Variants in ATP13A5 observed in about 807,000 individuals in gnomAD.
The protein encoded by ATP13A5 is probable cation-transporting ATPase 13A5.
Under a neutral mutation model 150.2 loss-of-function variants are expected in ATP13A5, and 149 were observed. The observed-to-expected ratio is 0.99, with a 90% CI of 0.87 to 1.14. The LOEUF is 1.14. Among genes scored for constraint, ATP13A5 ranks in the 50% most tolerant of loss-of-function variants. The pLI is 0.00. For missense variants in ATP13A5, 1,383 were observed against 1,449.3 expected (o/e 0.95, Z 0.74); for synonymous variants, 497 against 522.2 (o/e 0.95, Z 0.66).
intron 9 of ATP13A5, 103 bp downstream of exon 9, chr3:193,343,822 CTA>C: frequency 7.4e-7 from 1 of 1,350,256 alleles, no homozygotes; most frequent in Non-Finnish European, 9.9e-7. Flanking sequence ...TCTCCCTCAC[CTA>C]TCTCTGAATA....
intron 27 of ATP13A5, among the ~76,000 whole-genome samples, chr3:193,281,920 G>A (rs1415405836): frequency 6.6e-6 from 1 of 152,060 alleles, no homozygotes; most frequent in Non-Finnish European, 1.5e-5. Context: ...ACTAGGCCAG[G>A]TGCAGTGGTT....
intron 12 of ATP13A5, among the ~76,000 whole-genome samples, chr3:193,329,180 G>A (rs1382422276): frequency 6.6e-6 from 1 of 151,880 alleles, no homozygotes; most frequent in Non-Finnish European, 1.5e-5. Flanking sequence ...TGCGGAGGCT[G>A]TAGTGAGCTG....
intron 23 of ATP13A5, 90 bp from the exon 24 acceptor site, chr3:193,301,397 TA>T: frequency 1.1e-6 from 1 of 921,904 alleles, no homozygotes; most frequent in South Asian, 1.5e-5. Context: ...ATATTTTTAG[TA>T]GCCTGTTGAC....
chr3:193,354,227 T>C lies in ATP13A5; in HGVS notation c.537-31A>G, dbSNP rs973808500. 7 of 1,592,568 alleles carry C rather than the reference T, an allele frequency of 4.4e-6. No homozygotes were observed. In the African/African-American group the frequency reaches 6.8e-5, roughly 15 times the overall value. ...GGAAATTGATCATCCATTAGTGTCA[T>C]AGCTACAAGCACATGATAAGTGACT... On this transcript the variant is annotated intron_variant, in intron 5 of 29. Transcript: ENST00000342358.
intron 6 of ATP13A5, among the ~76,000 whole-genome samples, chr3:193,351,836 T>C (rs1712574825): frequency 6.6e-6 from 1 of 152,238 alleles, no homozygotes; most frequent in Non-Finnish European, 1.5e-5. Context: ...TGAAAGCTGG[T>C]CACTCATACA....
chr3:193,299,682 G>A (rs936910377), intron 24 of ATP13A5, among the ~76,000 whole-genome samples: 1 of 152,150 alleles, frequency 6.6e-6, no homozygotes, highest in Non-Finnish European at 1.5e-5. Flanking sequence ...CCTACCCTAA[G>A]TAAGCCCATT....
chr3:193,362,515 C>A, intron 4 of ATP13A5, 52 bp downstream of exon 4: 1 of 1,612,984 alleles, frequency 6.2e-7, no homozygotes, highest in Non-Finnish European at 8.5e-7. Flanking sequence ...CTCAACAAAT[C>A]AGTGTTTTTC....
intron 1 of ATP13A5, among the ~76,000 whole-genome samples, chr3:193,372,029 G>A (rs144864138): frequency 5.9e-5 from 9 of 152,000 alleles, no homozygotes; most frequent in South Asian, 2.1e-4. Flanking sequence ...TGGCAGGTGC[G>A]GTGGCTCACA....
At chr3:193,363,760 T>C (rs1713130532) in intron 2 of ATP13A5, among the ~76,000 whole-genome samples, 1 of 152,216 alleles carries the variant, frequency 6.6e-6, no homozygotes, top group South Asian at 2.1e-4. Context: ...AAATACATAT[T>C]TTTGAAAAAC....
intron 1 of ATP13A5, among the ~76,000 whole-genome samples, chr3:193,374,322 T>C (rs1314649505): frequency 7.3e-6 from 1 of 137,860 alleles, no homozygotes; most frequent in Non-Finnish European, 1.5e-5. Flanking sequence ...AGAGGAAAGA[T>C]TCCATGGGTG....
rs370318256 is a variant in ATP13A5 at position 193,275,033 on chromosome 3, C to T, written c.*9G>A. On this transcript the variant is annotated 3_prime_UTR_variant, in exon 30 of 30. Coordinates refer to ENST00000342358, the MANE Select transcript of ATP13A5 (RefSeq NM_198505.4). ...CAATGCTGTTGAGCATGTACGACGA[C>T]AATTCTGATTACAGCCTGGCCCAGA... The T allele has an allele frequency of 5.6e-6, 9 of 1,613,746 alleles. No homozygotes were observed. In the African/African-American group the frequency reaches 1.1e-4, roughly 19 times the overall value.
intron 1 of ATP13A5, among the ~76,000 whole-genome samples, chr3:193,367,551 C>T (rs1713280478): frequency 6.6e-6 from 1 of 151,934 alleles, no homozygotes; most frequent in African/African-American, 2.4e-5. Flanking sequence ...CAGGCTAAGC[C>T]CTGTCATGAA....
At chr3:193,305,806 C>A in intron 22 of ATP13A5, 138 bp from the exon 23 acceptor site, 1 of 698,430 alleles carries the variant, frequency 1.4e-6, no homozygotes, top group Non-Finnish European at 2.5e-6. Context: ...TAATGCTGTC[C>A]CTCCACCTGG....
chr3:193,322,618 T>C lies in ATP13A5; in HGVS notation c.1675-44A>G, dbSNP rs1719325451. 3.7e-6 allele frequency: 5 copies of C among 1,340,348 alleles called. No homozygotes were observed. In the East Asian group the frequency reaches 1.2e-4, roughly 31 times the overall value. The allele number at this position is 1,340,348 out of a possible 1,614,324, so 83.0% of individuals were successfully genotyped here. ...ATTCATAAGATTCTTTGAATAAAAA[T>C]ATTAAGAAAGAAATATCTCTTATTT... On this transcript the variant is annotated intron_variant, in intron 14 of 29. Coordinates refer to ENST00000342358, the MANE Select transcript of ATP13A5 (RefSeq NM_198505.4).
At chr3:193,366,864 T>G (rs1377934140) in intron 1 of ATP13A5, among the ~76,000 whole-genome samples, 1 of 152,066 alleles carries the variant, frequency 6.6e-6, no homozygotes, top group Non-Finnish European at 1.5e-5. Flanking sequence ...ATGATGACAT[T>G]ACAATTAAAC....
At position 193,320,162 on chromosome 3, in the gene ATP13A5, C is replaced by T. The variant is rs550615124; in HGVS notation, c.1916-1054G>A. On this transcript the variant is annotated intron_variant, in intron 16 of 29. Transcript: ENST00000342358. ...GGTGGCAAATCAACTAAGTTCTATT[C>T]TCCCTTCCACTTCCATGTGGACCTT... 2.0e-5 allele frequency among the ~76,000 whole-genome samples: 3 copies of T among 152,338 alleles called. No homozygotes were observed. The South Asian group carries it at 6.2e-4, about 32-fold the overall frequency.
intron 14 of ATP13A5, 111 bp downstream of exon 14, chr3:193,324,753 A>G: frequency 3.2e-6 from 4 of 1,235,672 alleles, no homozygotes; most frequent in Non-Finnish European, 4.6e-6. Context: ...ACACGCTTAT[A>G]CATACATTAT....
At chr3:193,344,746 G>T (rs1029028415) in intron 8 of ATP13A5, among the ~76,000 whole-genome samples, 1 of 152,150 alleles carries the variant, frequency 6.6e-6, no homozygotes, top group Non-Finnish European at 1.5e-5. Context: ...TTGGGTGAGG[G>T]TAAGGCAAGC....
At chr3:193,305,437 A>G (rs1718573712) in intron 23 of ATP13A5, 122 bp downstream of exon 23, 2 of 824,006 alleles carry the variant, frequency 2.4e-6, no homozygotes, top group Middle Eastern at 2.5e-4. Context: ...TGGTTCTCCA[A>G]TAGCACTTCA....
Sources: allele counts gnomAD v4.1 joint callset (sites outside exome capture counted in the v4.1 genomes callset), GRCh38; gene constraint gnomAD v4.1.1; transcripts MANE v1.5; gene names NCBI Gene and HGNC (gene_info 2026-07-23, HGNC 2026-07-21).